The following IGSF10 variants were observed in gnomAD, a reference collection of about 807,000 sequenced individuals.
IGSF10 encodes calvaria mechanical force protein 608.
IGSF10 carries 126 observed loss-of-function variants against 128.2 expected under a neutral mutation model. That is an observed-to-expected ratio of 0.98 (90% CI 0.85 to 1.14). The LOEUF is 1.14. Ranked by LOEUF, IGSF10 falls within the 50% of genes most tolerant of loss-of-function variation. The pLI, the probability that IGSF10 is intolerant of heterozygous loss-of-function variation, is 0.00. For missense variants in IGSF10, 3,295 were observed against 3,149.8 expected, an observed-to-expected ratio of 1.05 and a Z score of -1.10; for synonymous variants, 1,185 against 1,146.2, an observed-to-expected ratio of 1.03 and a Z score of -0.68.
downstream of IGSF10, chr3:151,433,987 A>G (rs1719811600): frequency 6.6e-6 from 1 of 152,650 alleles, no homozygotes; most frequent in South Asian, 2.1e-4. Flanking sequence ...AGAGTAAAAA[A>G]GAAACCAGTA....
rs142403440 is a variant in IGSF10, at chr3:151,443,275, T to C, written c.5672A>G (p.Asn1891Ser). 23 of 1,612,050 alleles carry C rather than the reference T, an allele frequency of 1.4e-5. No homozygotes were observed. In the African/African-American group the frequency reaches 1.5e-4, roughly 10 times the overall value. Residue 1891 changes from asparagine (N) to serine (S), a missense_variant, in exon 7 of 8, where the codon AAT becomes AGT. Coordinates refer to ENST00000282466, the MANE Select transcript of IGSF10 (RefSeq NM_178822.5). Reference sequence around the variant, plus strand: ...ATTTGAAAATAAGAACAACTTGGAATTGGTAAACTGTAATGGTTTCACTTC... The same window carrying C: ...ATTTGAAAATAAGAACAACTTGGAACTGGTAAACTGTAATGGTTTCACTTC... ...GTEVKPLQFTNSKLFLFSNGT... is the reference protein window; with the variant it reads ...GTEVKPLQFTSSKLFLFSNGT...
chr3:151,579,080 A>G, the IGSF10 span, among the ~76,000 whole-genome samples: 2 of 152,236 alleles, frequency 1.3e-5, no homozygotes, highest in Non-Finnish European at 2.9e-5. Flanking sequence ...GGTTGAAAAG[A>G]ACATTAAAAA....
At chr3:151,452,940 G>A (rs560852815) in intron 5 of IGSF10, among the ~76,000 whole-genome samples, 1 of 152,146 alleles carries the variant, frequency 6.6e-6, no homozygotes, top group African/African-American at 2.4e-5. Flanking sequence ...CAGGTACGAG[G>A]AGGTAAAACA....
the IGSF10 span, among the ~76,000 whole-genome samples, chr3:151,495,225 G>A: frequency 3.9e-5 from 6 of 152,102 alleles, no homozygotes; most frequent in Non-Finnish European, 2.9e-5. Flanking sequence ...TTCCAAAGCT[G>A]CAACCTGGGC....
the IGSF10 span, among the ~76,000 whole-genome samples, chr3:151,466,395 G>A: frequency 1.1e-4 from 17 of 152,166 alleles, no homozygotes; most frequent in African/African-American, 3.6e-4. Flanking sequence ...CCGAGTCTAA[G>A]ATCAAATTGG....
the IGSF10 span, among the ~76,000 whole-genome samples, chr3:151,521,376 T>C: frequency 1.3e-5 from 2 of 151,954 alleles, no homozygotes; most frequent in African/African-American, 4.8e-5. Flanking sequence ...GATATACCTT[T>C]ACAGAACTCT....
intron 2 of IGSF10, among the ~76,000 whole-genome samples, chr3:151,459,425 G>A (rs918245093): frequency 7.2e-5 from 11 of 152,116 alleles, no homozygotes; most frequent in Non-Finnish European, 1.0e-4. Context: ...CTTTCTAACC[G>A]GTTTTCAAGT....
At chr3:151,533,657 G>T in the IGSF10 span, among the ~76,000 whole-genome samples, 1 of 152,078 alleles carries the variant, frequency 6.6e-6, no homozygotes, top group Non-Finnish European at 1.5e-5. Context: ...ATTAACTCAA[G>T]ATAGATTAAA....
the IGSF10 span, among the ~76,000 whole-genome samples, chr3:151,543,529 G>T: frequency 1.3e-5 from 2 of 152,074 alleles, no homozygotes; most frequent in African/African-American, 4.8e-5. Context: ...GCTGTGTCCT[G>T]CCTCCCCTCT....
the IGSF10 span, among the ~76,000 whole-genome samples, chr3:151,497,852 C>T: frequency 0.83 from 125,230 of 151,294 alleles, 51,925 homozygotes; most frequent in Middle Eastern, 0.93. Flanking sequence ...TTTTATTTCG[C>T]TGAGCAGTGG....
At chr3:151,571,427 G>T in the IGSF10 span, among the ~76,000 whole-genome samples, 1 of 152,058 alleles carries the variant, frequency 6.6e-6, no homozygotes, top group South Asian at 2.1e-4. Context: ...TCTTGAAGAG[G>T]TCCTTCACAT....
the IGSF10 span, among the ~76,000 whole-genome samples, chr3:151,537,523 C>T: frequency 6.6e-6 from 1 of 152,088 alleles, no homozygotes; most frequent in Non-Finnish European, 1.5e-5. Context: ...TCATTTTTCC[C>T]CATCATGTAC....
upstream of IGSF10, among the ~76,000 whole-genome samples, chr3:151,463,444 A>G (rs73010430): frequency 4.4e-3 from 664 of 151,954 alleles, 4 homozygotes; most frequent in African/African-American, 0.015. Context: ...AAAGAATGCT[A>G]AATGATTCAG....
At chr3:151,467,165 A>C in the IGSF10 span, among the ~76,000 whole-genome samples, 2 of 152,168 alleles carry the variant, frequency 1.3e-5, no homozygotes, top group Non-Finnish European at 2.9e-5. Context: ...CTCTGACTGA[A>C]CTAACTTCGA....
At chr3:151,611,819 A>G in the IGSF10 span, among the ~76,000 whole-genome samples, 1 of 152,198 alleles carries the variant, frequency 6.6e-6, no homozygotes, top group South Asian at 2.1e-4. Context: ...GTTTTCAAGA[A>G]TTATTAAGAT....
chr3:151,534,342 G>T, the IGSF10 span, among the ~76,000 whole-genome samples: 5 of 152,152 alleles, frequency 3.3e-5, no homozygotes, highest in Non-Finnish European at 7.4e-5. Context: ...CTTCTATAAA[G>T]ACACATGCAC....
At chr3:151,544,777 A>T in the IGSF10 span, among the ~76,000 whole-genome samples, 239 of 151,118 alleles carry the variant, frequency 1.6e-3, no homozygotes, top group Non-Finnish European at 2.6e-3. Context: ...TGCATGCGAT[A>T]GGCCCTTCAA....
the IGSF10 span, among the ~76,000 whole-genome samples, chr3:151,518,798 A>G: frequency 6.6e-6 from 1 of 151,910 alleles, no homozygotes. Context: ...TTGATAACTA[A>G]GAGTCACTCT....
rs757469402 is a variant in IGSF10, at chr3:151,447,952, C to T, written c.2029G>A (p.Glu677Lys). ...QRPLEHDGETEGSGLDESNPI... is the reference protein window; with the variant it reads ...QRPLEHDGETKGSGLDESNPI... ...TTGGACTCATCAAGTCCAGATCCCT[C>T]TGTTTCTCCATCATGCTCCAAGGGC... Residue 677 changes from glutamate to lysine, a missense_variant, in exon 6 of 8, where the codon GAG becomes AAG. By Grantham distance (56) the Glu-to-Lys change is moderately conservative (BLOSUM62 1). Transcript: ENST00000282466. 1.4e-5 allele frequency: 23 copies of T among 1,614,098 alleles called. No individual in the cohort carries two copies. In the South Asian group the frequency reaches 2.5e-4, roughly 18 times the overall value.
Sources: allele counts gnomAD v4.1 joint callset (sites outside exome capture counted in the v4.1 genomes callset), GRCh38; gene constraint gnomAD v4.1.1; transcripts MANE v1.5; gene names NCBI Gene and HGNC (gene_info 2026-07-23, HGNC 2026-07-21).